SYNJ2: variants seen among roughly 807,000 people sequenced by gnomAD.
SYNJ2 encodes the protein polyphosphatidylinositol phosphatase SYNJ2.
SYNJ2 carries 116 observed loss-of-function variants against 141.3 expected under a neutral mutation model. The observed-to-expected ratio is 0.82, with a 90% CI of 0.71 to 0.96. SYNJ2 has a LOEUF of 0.96. Ranked by LOEUF, SYNJ2 falls within the 40% of genes least tolerant of loss-of-function variation. The pLI is 0.00. For synonymous variants in SYNJ2, 745 were observed against 777.7 expected, an observed-to-expected ratio of 0.96 and a Z score of 0.70; for missense variants, 1,873 against 1,934.8, an observed-to-expected ratio of 0.97 and a Z score of 0.60.
chr6:158,048,312 A>G (rs916649835), intron 5 of SYNJ2, among the ~76,000 whole-genome samples: 2 of 152,196 alleles, frequency 1.3e-5, no homozygotes, highest in Non-Finnish European at 2.9e-5. Context: ...CAAGGAAGGC[A>G]GCCCTTGCAG....
chr6:158,024,538 C>T (rs1326812550), intron 2 of SYNJ2, among the ~76,000 whole-genome samples: 1 of 152,152 alleles, frequency 6.6e-6, no homozygotes, highest in Non-Finnish European at 1.5e-5. Context: ...ACTGGTTGAC[C>T]ACACTCTTAA....
chr6:158,017,405 CTTTTT>C (rs34667973), intron 2 of SYNJ2, 115 bp downstream of exon 2: 1,422 of 598,992 alleles, frequency 2.4e-3, no homozygotes, highest in Middle Eastern at 7.8e-3. Flanking sequence ...TCTCTCTCTT[CTTTTT>C]TTTTTTTTTT....
chr6:158,075,162 C>T (rs1217316359), intron 16 of SYNJ2, among the ~76,000 whole-genome samples: 2 of 151,522 alleles, frequency 1.3e-5, no homozygotes, highest in Non-Finnish European at 2.9e-5. Flanking sequence ...GAACTCCTGG[C>T]CTCAGGTGAT....
At chr6:158,092,274 C>G (rs970310683) in intron 25 of SYNJ2, among the ~76,000 whole-genome samples, 2 of 152,190 alleles carry the variant, frequency 1.3e-5, no homozygotes, top group African/African-American at 4.8e-5. Flanking sequence ...CATATGATCT[C>G]AGGGTCTCAC....
intron 1 of SYNJ2, among the ~76,000 whole-genome samples, chr6:157,998,779 G>A (rs1777726861): frequency 6.6e-6 from 1 of 152,220 alleles, no homozygotes; most frequent in Non-Finnish European, 1.5e-5. Flanking sequence ...TTATTGAAGT[G>A]TAACATACAT....
At chr6:157,986,336 C>T (rs1382424116) in intron 1 of SYNJ2, among the ~76,000 whole-genome samples, 3 of 152,184 alleles carry the variant, frequency 2.0e-5, no homozygotes, top group Admixed American at 6.5e-5. Flanking sequence ...GTGCTTCTCC[C>T]GCGGGTTTTG....
At chr6:158,077,979 G>A in intron 17 of SYNJ2, 185 bp from the exon 18 acceptor site, 1 of 540,912 alleles carries the variant, frequency 1.8e-6, no homozygotes, top group Non-Finnish European at 3.3e-6. Context: ...TATATGCGAG[G>A]AATGTTTTTA....
chr6:158,071,897 C>A lies in SYNJ2; in HGVS notation c.2133+103C>A. 4 of 1,350,168 alleles carry A rather than the reference C, an allele frequency of 3.0e-6. No individual in the cohort carries two copies. Among genetic ancestry groups the A allele is most frequent in the Non-Finnish European group, 3.0e-6 (3 of 996,836 alleles). 83.6% of individuals were successfully genotyped at this position (1,350,168 alleles called of 1,614,324 possible). On this transcript the variant is annotated intron_variant, in intron 15 of 26. Transcript: ENST00000355585. This position sits in a 1 kb window ranked among gnomAD's most constrained non-coding sequence, Gnocchi z 4.3. ...ACTGGGGACACAACCACAGGGAGGG[C>A]CCCTTCCTGGAGGGCTCAGCGCTGG...
chr6:158,063,834 G>A lies in SYNJ2; in HGVS notation c.1171G>A (p.Asp391Asn). Residue 391 changes from aspartate (D) to asparagine (N), a missense_variant, in exon 9 of 27, where the codon GAC (aspartate) becomes AAC (asparagine). Asp to Asn is a conservative substitution (Grantham distance 23). Transcript: ENST00000355585. ...GCGGATGAACTGTCTTGACTGCCTG[G>A]ACCGAACCAACACTGTGCAGAGCTT... is the stretch of plus-strand genomic sequence containing the variant. ...TLRMNCLDCL[D>N]RTNTVQSFIA... 1 of 1,613,746 alleles carries A rather than the reference G, an allele frequency of 6.2e-7. No individual in the cohort carries two copies. Among genetic ancestry groups the A allele is most frequent in the Non-Finnish European group, 8.5e-7 (1 of 1,179,906 alleles).
At chr6:158,085,056 G>C (rs908387759) in intron 22 of SYNJ2, among the ~76,000 whole-genome samples, 1 of 146,754 alleles carries the variant, frequency 6.8e-6, no homozygotes, top group Non-Finnish European at 1.5e-5. Context: ...GGGTCTCACT[G>C]TCTCCCAGGC....
chr6:158,034,540 T>A (rs986466988), intron 4 of SYNJ2, among the ~76,000 whole-genome samples: 1 of 152,170 alleles, frequency 6.6e-6, no homozygotes, highest in Non-Finnish European at 1.5e-5. Context: ...CCTGCTCCAG[T>A]GTTCAGAGGG....
chr6:158,053,786 CACCCACTT>C (rs1157475571), intron 5 of SYNJ2, among the ~76,000 whole-genome samples: 1 of 150,572 alleles, frequency 6.6e-6, no homozygotes, highest in Non-Finnish European at 1.5e-5. Context: ...CCCACCCACT[CACCCACTT>C]ACCTATCCAT....
intron 4 of SYNJ2, among the ~76,000 whole-genome samples, chr6:158,038,840 C>T (rs1779778648): frequency 6.6e-6 from 1 of 152,194 alleles, no homozygotes; most frequent in Non-Finnish European, 1.5e-5. Flanking sequence ...AGGGGAAGCA[C>T]AGCAGAGCCA....
At chr6:158,058,182 A>G (rs1780985067) in intron 6 of SYNJ2, among the ~76,000 whole-genome samples, 1 of 152,278 alleles carries the variant, frequency 6.6e-6, no homozygotes, top group Non-Finnish European at 1.5e-5. Context: ...CTTGAATCAT[A>G]TAAAATTCTA....
At chr6:157,993,870 A>G (rs1384255709) in intron 1 of SYNJ2, among the ~76,000 whole-genome samples, 1 of 119,238 alleles carries the variant, frequency 8.4e-6, no homozygotes, top group Non-Finnish European at 1.6e-5. Flanking sequence ...GCTAGAGGGC[A>G]GTGCAGCTAC....
chr6:158,059,482 C>T (rs1354616256), intron 7 of SYNJ2, 129 bp downstream of exon 7: 1 of 1,479,704 alleles, frequency 6.8e-7, no homozygotes, highest in African/African-American at 1.4e-5. Context: ...CCTGAGGCTT[C>T]CCCAGCATTC....
At position 158,070,492 on chromosome 6, in the gene SYNJ2, G is replaced by T; in HGVS notation, c.1940+819G>T. ...ATTTGGGCAGCTTGGCAGTGTCCTA[G>T]GTTAGCAGGTGAAGGTTAGTAAAGG... On this transcript the variant is annotated intron_variant, in intron 14 of 26. Transcript: ENST00000355585. This position sits in a 1 kb window ranked among gnomAD's most constrained non-coding sequence, Gnocchi z 4.0. The T allele has an allele frequency of 1.0e-6, 1 of 985,572 alleles. No homozygotes were observed. The highest frequency in any genetic ancestry group is 1.2e-6 in the Non-Finnish European group (1 of 830,048). 61.1% of individuals were successfully genotyped at this position (985,572 alleles called of 1,614,324 possible).
chr6:158,017,303 T>G lies in SYNJ2; in HGVS notation c.214+13T>G. ...AGGCTGAAATCTGGTGAGTAGCCGCTCGCTGGAGGAGCAGGCGCCAGGCTC... is the reference window on the plus strand; with the variant it reads ...AGGCTGAAATCTGGTGAGTAGCCGCGCGCTGGAGGAGCAGGCGCCAGGCTC... On this transcript the variant is annotated intron_variant, in intron 2 of 26. Coordinates refer to ENST00000355585, the MANE Select transcript of SYNJ2 (RefSeq NM_003898.4). The G allele has an allele frequency of 6.2e-7, 1 of 1,607,952 alleles. No homozygotes were observed. The highest frequency in any genetic ancestry group is 8.5e-7 in the Non-Finnish European group (1 of 1,177,720).
chr6:157,993,881 C>G (rs1471539804), intron 1 of SYNJ2, among the ~76,000 whole-genome samples: 1 of 135,914 alleles, frequency 7.4e-6, no homozygotes, highest in Non-Finnish European at 1.5e-5. Context: ...GTGCAGCTAC[C>G]TCGGCTCACT....
Sources: gnomAD v4.1 joint callset for allele counts (sites outside exome capture counted in the v4.1 genomes callset) on GRCh38, gnomAD v4.1.1 for gene constraint, Gnocchi (gnomAD v3.1) non-coding constraint, MANE v1.5 for transcripts, NCBI Gene and HGNC (gene_info 2026-07-23, HGNC 2026-07-21) for gene names.